BCORL1: variants seen among roughly 807,000 people sequenced by gnomAD.
BCORL1 encodes the protein BCL6 corepressor like 1.
In BCORL1, 7 loss-of-function variants were observed where a neutral mutation model predicts 87.6. That is an observed-to-expected ratio of 0.08 (90% CI 0.05 to 0.15). BCORL1 has a LOEUF of 0.15. BCORL1 is among the 10% of genes least tolerant of loss of function. The probability of loss-of-function intolerance (pLI) is 1.00; values close to 1 mark genes in which losing one functional copy is unlikely to be tolerated. For synonymous variants in BCORL1, 591 were observed against 634.4 expected (o/e 0.93, Z 1.03); for missense variants, 1,215 against 1,499.7 (o/e 0.81, Z 3.13).
At chrX:130,055,805 C>T (rs760429398) in intron 13 of BCORL1, 49 bp from the exon 14 acceptor site, 6 of 1,153,356 alleles carry the variant, frequency 5.2e-6, no homozygotes, top group Non-Finnish European at 7.0e-6. Flanking sequence ...TCGGTGCCCC[C>T]ACCGCTTCCT....
rs750743009 is a variant in BCORL1, at chrX:130,011,538, G to A, written c.87-1040G>A. On this transcript the variant is annotated intron_variant, in intron 2 of 13. Transcript: ENST00000540052. Reference sequence around the variant, plus strand: ...ATTACAGGTGTGAGCCACCATGCCTGGCCTAATAGTTCTTGCTGTACTTAA... The same window carrying A: ...ATTACAGGTGTGAGCCACCATGCCTAGCCTAATAGTTCTTGCTGTACTTAA... 1.8e-4 allele frequency among the ~76,000 whole-genome samples: 9 copies of A among 49,642 alleles called. No individual in the cohort carries two copies. The South Asian group carries it at 8.3e-3, about 46-fold the overall frequency. The allele number at this position is 49,642 out of a possible 115,157, so 43.1% of individuals were successfully genotyped here.
intron 7 of BCORL1, among the ~76,000 whole-genome samples, chrX:130,025,973 G>C (rs1248952690): frequency 9.0e-6 from 1 of 111,450 alleles, no homozygotes; most frequent in Non-Finnish European, 1.9e-5. Flanking sequence ...GAGTTGAGAA[G>C]GCAGGCAGCC....
chrX:130,025,435 C>T (rs1373424930), intron 7 of BCORL1, 56 bp downstream of exon 7: 1 of 1,061,581 alleles, frequency 9.4e-7, no homozygotes, highest in African/African-American at 1.9e-5. Context: ...TCTGGGAACC[C>T]TCGGGCATCT....
chrX:130,026,738 G>T (rs1393950002), intron 7 of BCORL1, among the ~76,000 whole-genome samples: 1 of 112,766 alleles, frequency 8.9e-6, no homozygotes. Flanking sequence ...CTCCAGTAAC[G>T]CAGAGAACAC....
rs766162672 is a variant in BCORL1, at chrX:130,015,839, T to C, written c.3067T>C (p.Leu1023=). 1 of 1,211,582 alleles carries C rather than the reference T, an allele frequency of 8.3e-7. No homozygotes were observed. Among genetic ancestry groups the C allele is most frequent in the South Asian group, 1.8e-5 (1 of 56,965 alleles). ...CGACAGCCACCCCAAGGAACTTATATTGGACGTGGTTCCGAGCAGCAGGAG... is the reference window on the plus strand; with the variant it reads ...CGACAGCCACCCCAAGGAACTTATACTGGACGTGGTTCCGAGCAGCAGGAG... ...PHDSHPKELI[L]DVVPSSRRGS... is the part of the protein sequence containing the mutation. The change falls in exon 4 of 14, where the codon TTG becomes CTG. Residue 1023 remains leucine (L), a synonymous_variant. Transcript: ENST00000540052.
Position 130,039,295 on chromosome X carries a change from C to T in BCORL1, c.4840+13C>T. On this transcript the variant is annotated intron_variant, in intron 11 of 13. Transcript: ENST00000540052. ...CGCTTTCTCAGTGGTAAGCATGGTC[C>T]AGACTTGACACTGTTGTCCTTGGGG... The T allele has an allele frequency of 8.3e-7, 1 of 1,205,981 alleles. No homozygotes were observed. Among genetic ancestry groups the T allele is most frequent in the East Asian group, 3.0e-5 (1 of 33,827 alleles).
intron 11 of BCORL1, among the ~76,000 whole-genome samples, chrX:130,049,186 T>C (rs1197544683): frequency 8.9e-6 from 1 of 112,217 alleles, no homozygotes; most frequent in East Asian, 2.8e-4. Context: ...CTAGGTCATA[T>C]GGTAATGCTG....
At chrX:129,982,575 G>C (rs996310663), upstream of BCORL1, 1 of 110,337 alleles carries the variant, frequency 9.1e-6, no homozygotes, top group Non-Finnish European at 1.9e-5. Context: ...CCTGCGACCG[G>C]CACCCACTCC....
intron 11 of BCORL1, among the ~76,000 whole-genome samples, chrX:130,041,509 T>C (rs907276808): frequency 8.9e-6 from 1 of 112,133 alleles, no homozygotes; most frequent in Non-Finnish European, 1.9e-5. Context: ...AATTTTTGAA[T>C]TTTTAGTAGA....
chrX:130,033,474 G>A (rs1043125630), intron 8 of BCORL1, among the ~76,000 whole-genome samples: 2 of 112,548 alleles, frequency 1.8e-5, no homozygotes, highest in Non-Finnish European at 3.8e-5. Context: ...AGAAAGTGGG[G>A]CTCAGAGAGG....
chrX:130,032,219 GTC>G (rs1287688395), intron 8 of BCORL1, among the ~76,000 whole-genome samples: 5 of 112,014 alleles, frequency 4.5e-5, no homozygotes, highest in Non-Finnish European at 9.4e-5. Flanking sequence ...CTGGCTTGGG[GTC>G]TCTCGTGAGG....
chrX:129,994,433 T>C (rs1182652005), intron 1 of BCORL1, among the ~76,000 whole-genome samples: 1 of 111,795 alleles, frequency 8.9e-6, no homozygotes, highest in Non-Finnish European at 1.9e-5. Flanking sequence ...GACGTAGTAT[T>C]GGTCTGGATG....
chrX:130,052,118 C>T (rs1044836947), intron 13 of BCORL1, 102 bp downstream of exon 13: 1 of 873,268 alleles, frequency 1.1e-6, no homozygotes, highest in East Asian at 3.3e-5. Context: ...CAACGAGTGC[C>T]ATCACACATG....
At chrX:129,984,548 G>A (rs1603052671) in intron 1 of BCORL1, among the ~76,000 whole-genome samples, 1 of 112,152 alleles carries the variant, frequency 8.9e-6, no homozygotes, top group African/African-American at 3.2e-5. Context: ...GAAGGGATAG[G>A]GAGGTGAACT....
chrX:130,004,497 G>A (rs1201213443), intron 1 of BCORL1, among the ~76,000 whole-genome samples: 4 of 111,128 alleles, frequency 3.6e-5, no homozygotes, highest in African/African-American at 1.3e-4. Flanking sequence ...CACCCGCCTC[G>A]GCCTCCCAAA....
At position 130,005,293 on chromosome X, in the gene BCORL1, G is replaced by A. The variant is rs778701486; in HGVS notation, c.62G>A (p.Arg21His). ...AACTGGACCAGTTCTGACCGGATTCGCATGTGTGGCATCAACGAGGAGAGG... is the reference window on the plus strand; with the variant it reads ...AACTGGACCAGTTCTGACCGGATTCACATGTGTGGCATCAACGAGGAGAGG... The part of the protein sequence containing the change: ...VHNWTSSDRI[R>H]MCGINEERRA... The change falls in exon 2 of 14, where the codon CGC (arginine) becomes CAC (histidine). Residue 21 changes from arginine (R) to histidine (H), a missense_variant. By Grantham distance (29) the Arg-to-His change is conservative. This residue lies in a region of BCORL1 where 861 missense variants were observed against 1,010.0 expected (regional missense o/e 0.85). Transcript: ENST00000540052. 160 of 1,209,942 alleles carry A rather than the reference G, an allele frequency of 1.3e-4. 1 individual carries two copies. Among genetic ancestry groups the A allele is most frequent in the Non-Finnish European group, 1.6e-4 (141 of 895,030 alleles).
chrX:129,987,306 AAATGCAG>A (rs1287996594), intron 1 of BCORL1, among the ~76,000 whole-genome samples: 2 of 111,762 alleles, frequency 1.8e-5, no homozygotes, highest in Non-Finnish European at 3.8e-5. Context: ...ATACAGGTTA[AAATGCAG>A]AATGTGAGAG....
intron 11 of BCORL1, among the ~76,000 whole-genome samples, chrX:130,045,143 C>T (rs1199320157): frequency 2.7e-5 from 3 of 112,213 alleles, no homozygotes; most frequent in Non-Finnish European, 1.9e-5. Flanking sequence ...GGAAGGCCTC[C>T]CCCTTCAGCC....
chrX:130,028,382 G>A (rs1368418357), intron 7 of BCORL1, among the ~76,000 whole-genome samples: 6 of 110,559 alleles, frequency 5.4e-5, no homozygotes, highest in Admixed American at 2.9e-4. Context: ...CAGATGGGCC[G>A]CCCCCTGCTG....
Sources: gnomAD v4.1 joint callset for allele counts (sites outside exome capture counted in the v4.1 genomes callset) on GRCh38, gnomAD v4.1.1 for gene constraint, gnomAD v4.1.1 regional missense constraint, MANE v1.5 for transcripts, NCBI Gene and HGNC (gene_info 2026-07-23, HGNC 2026-07-21) for gene names.